Variants in ABR observed in about 807,000 individuals in gnomAD.
ABR encodes active breakpoint cluster region-related protein.
Under a neutral mutation model 107.2 loss-of-function variants are expected in ABR, and 35 were observed. That is an observed-to-expected ratio of 0.33 (90% CI 0.25 to 0.43). The LOEUF is 0.43. Among genes scored for constraint, ABR ranks in the 20% least tolerant of loss-of-function variants. The pLI is 1.00. For missense variants in ABR, 815 were observed against 1,115.2 expected (o/e 0.73, Z 3.83); for synonymous variants, 498 against 462.0 (o/e 1.08, Z -1.00).
intron 22 of ABR, among the ~76,000 whole-genome samples, chr17:1,006,664 A>G (rs1463456981): frequency 1.3e-5 from 2 of 152,122 alleles, no homozygotes; most frequent in East Asian, 3.9e-4. Flanking sequence ...ATAGCCCATC[A>G]ACCCAGCTTC....
At chr17:1,131,089 C>T (rs879659552) in intron 1 of ABR, among the ~76,000 whole-genome samples, 7 of 151,346 alleles carry the variant, frequency 4.6e-5, no homozygotes, top group Non-Finnish European at 1.0e-4. Flanking sequence ...CACAGCTCGC[C>T]CCTTTGCACA....
At chr17:1,183,525 C>T (rs139348908), upstream of ABR, among the ~76,000 whole-genome samples, 44 of 152,266 alleles carry the variant, frequency 2.9e-4, 1 homozygote, top group African/African-American at 8.4e-4. Context: ...GTGCTACTCA[C>T]GGCCTCTCCA....
intron 10 of ABR, among the ~76,000 whole-genome samples, chr17:1,061,791 C>A (rs1226984536): frequency 1.3e-5 from 2 of 152,184 alleles, no homozygotes; most frequent in Non-Finnish European, 2.9e-5. Context: ...AAGTGACCCA[C>A]CCGTCTCAGC....
upstream of ABR, among the ~76,000 whole-genome samples, chr17:1,190,565 C>T (rs570119222): frequency 1.3e-5 from 2 of 152,118 alleles, no homozygotes; most frequent in Non-Finnish European, 2.9e-5. Flanking sequence ...ACCCAGAAGG[C>T]GGAAGTGGAG....
At chr17:1,119,521 T>C (rs76245594) in intron 2 of ABR, among the ~76,000 whole-genome samples, 1 of 119,056 alleles carries the variant, frequency 8.4e-6, no homozygotes, top group African/African-American at 3.2e-5. Flanking sequence ...GCCTGAGTTC[T>C]TCCCAGCGTT....
chr17:1,007,447 G>A, intron 21 of ABR, 135 bp from the exon 22 acceptor site: 1 of 1,068,934 alleles, frequency 9.4e-7, no homozygotes, highest in Non-Finnish European at 1.3e-6. Flanking sequence ...TCCTAGGAGT[G>A]GGGACCTCCC....
intron 1 of ABR, among the ~76,000 whole-genome samples, chr17:1,161,961 C>T (rs936104955): frequency 1.3e-5 from 2 of 152,204 alleles, no homozygotes; most frequent in African/African-American, 4.8e-5. Flanking sequence ...CTGGGAGCCC[C>T]AAACCAGCCC....
intron 14 of ABR, chr17:1,055,210 A>G (rs2033120280): frequency 6.6e-6 from 1 of 152,212 alleles, no homozygotes; most frequent in Admixed American, 6.5e-5. Flanking sequence ...GTCTCTAAAA[A>G]AAAATTTTTT....
At chr17:1,018,247 T>G (rs949209707) in intron 16 of ABR, among the ~76,000 whole-genome samples, 2 of 151,636 alleles carry the variant, frequency 1.3e-5, no homozygotes, top group Non-Finnish European at 2.9e-5. Context: ...TTTCACCGTG[T>G]TAGCCAGGAT....
chr17:1,083,953 T>C (rs977725621), intron 4 of ABR, among the ~76,000 whole-genome samples: 1 of 152,090 alleles, frequency 6.6e-6, no homozygotes, highest in Admixed American at 6.6e-5. Context: ...CTCCCAGGGT[T>C]TGAAATCCCT....
rs1476412065 is a variant in ABR, at chr17:1,123,379, G to GAGCCACCAAGCAAGACGCAC, written c.246+1784_246+1803dup. 5.3e-5 allele frequency among the ~76,000 whole-genome samples: 8 copies of GAGCCACCAAGCAAGACGCAC among 152,284 alleles called. No individual in the cohort carries two copies. In the East Asian group the frequency reaches 1.5e-3, roughly 29 times the overall value. On this transcript the variant is annotated intron_variant, in intron 2 of 22. Transcript: ENST00000302538. ...TCCTCAAGCCAAGTGAGTCCCTCGT[G>GAGCCACCAAGCAAGACGCAC]AGCCACCAAGCAAGACGCACAGCCA... is the stretch of plus-strand genomic sequence containing the variant.
intron 6 of ABR, 180 bp downstream of exon 6, chr17:1,079,150 G>A: frequency 1.4e-6 from 2 of 1,447,082 alleles, no homozygotes; most frequent in Non-Finnish European, 1.8e-6. Flanking sequence ...CGAGGCTAGA[G>A]TCCTCGCGTG....
At position 1,179,761 on chromosome 17, in the gene ABR, G is replaced by C; in HGVS notation, c.-34C>G. On this transcript the variant is annotated 5_prime_UTR_variant, in exon 1 of 23. Transcript: ENST00000302538. This position sits in a 1 kb window ranked among gnomAD's most constrained non-coding sequence, Gnocchi z 4.9. The stretch of plus-strand genomic sequence containing the variant: ...GGCGGCTCGGTCAGATCCGAAACCC[G>C]ACCCTCATCGCGCAACAAAGGAGGG... 1.6e-6 allele frequency: 1 copy of C among 641,070 alleles called. No individual in the cohort carries two copies. The highest frequency in any genetic ancestry group is 2.5e-6 in the Non-Finnish European group (1 of 402,130). The allele number at this position is 641,070 out of a possible 1,614,324, so 39.7% of individuals were successfully genotyped here.
Position 1,148,113 on chromosome 17 carries a change from GAAGT to G in ABR, c.62-22750_62-22747del, listed in dbSNP as rs1430319229. On this transcript the variant is annotated intron_variant, in intron 1 of 22. Coordinates refer to ENST00000302538, the MANE Select transcript of ABR (RefSeq NM_021962.5). The surrounding 1 kb of genome is among the most constrained non-coding windows in gnomAD (Gnocchi z 4.9). ...GATGGCCTGCTTGCTGCTGATGAGT[GAAGT>G]AAGCCCAAAGGTTGTCGGGGAAATA... 6.6e-6 allele frequency among the ~76,000 whole-genome samples: 1 copy of G among 152,248 alleles called. No individual in the cohort carries two copies. The highest frequency in any genetic ancestry group is 2.4e-5 in the African/African-American group (1 of 41,470).
intron 9 of ABR, among the ~76,000 whole-genome samples, chr17:1,067,486 C>T (rs1486417596): frequency 2.6e-5 from 4 of 152,210 alleles, no homozygotes; most frequent in African/African-American, 9.7e-5. Context: ...GGCTTCTGGC[C>T]CAGATGACTC....
rs896654950 is a variant in ABR at position 1,092,066 on chromosome 17, TG to T, written c.346-217del. Among the ~76,000 whole-genome samples the T allele has an allele frequency of 5.9e-5, 9 of 152,090 alleles. No individual in the cohort carries two copies. The highest frequency in any genetic ancestry group is 5.9e-4 in the Admixed American group (9 of 15,276). ...GACAGCAGGAACCTGGCCTGGCAGC[TG>T]TGCCAGGCCCGAGGGGTGGTGCCTG... On this transcript the variant is annotated intron_variant, in intron 3 of 22. Coordinates refer to ENST00000302538, the MANE Select transcript of ABR (RefSeq NM_021962.5). The surrounding 1 kb of genome is among the most constrained non-coding windows in gnomAD (Gnocchi z 4.6).
intron 16 of ABR, among the ~76,000 whole-genome samples, chr17:1,048,684 C>T (rs1259203299): frequency 7.0e-6 from 1 of 143,088 alleles, no homozygotes; most frequent in African/African-American, 2.9e-5. Context: ...GCCTGGATCA[C>T]CTCCGGGGCC....
At chr17:1,031,547 CGCAGCGCCCCCGAG>C in intron 16 of ABR, 1 of 720,404 alleles carries the variant, frequency 1.4e-6, no homozygotes, top group Non-Finnish European at 1.9e-6. Context: ...CCCCGAGCCC[CGCAGCGCCCCCGAG>C]CCCCCACCCC....
chr17:1,051,189 AG>A lies in ABR; in HGVS notation c.1562-556del. Reference sequence around the variant, plus strand: ...CAACAACGCCCACATCCCCAAGCCCAGGGTGCTGTGGTTTCCTCCGCTGCAC... The same window carrying A: ...CAACAACGCCCACATCCCCAAGCCCAGGTGCTGTGGTTTCCTCCGCTGCAC... On this transcript the variant is annotated intron_variant, in intron 14 of 22. Transcript: ENST00000302538. The surrounding 1 kb of genome is among the most constrained non-coding windows in gnomAD (Gnocchi z 4.3). Among the ~76,000 whole-genome samples, 1 of 152,264 alleles carries A rather than the reference AG, an allele frequency of 6.6e-6. No individual in the cohort carries two copies. Among genetic ancestry groups the A allele is most frequent in the East Asian group, 1.9e-4 (1 of 5,164 alleles).
Sources: gnomAD v4.1 joint callset for allele counts (sites outside exome capture counted in the v4.1 genomes callset) on GRCh38, gnomAD v4.1.1 for gene constraint, Gnocchi (gnomAD v3.1) non-coding constraint, MANE v1.5 for transcripts, NCBI Gene and HGNC (gene_info 2026-07-23, HGNC 2026-07-21) for gene names.